SAMD3: variants seen among roughly 807,000 people sequenced by gnomAD.
SAMD3 encodes sterile alpha motif domain containing 3, also known as sterile alpha motif domain-containing protein 3.
SAMD3 carries 63 observed loss-of-function variants against 58.5 expected under a neutral mutation model. The ratio of observed to expected loss-of-function variants is 1.08; its 90% CI spans 0.88 to 1.33. The LOEUF is 1.33. Among genes scored for constraint, SAMD3 ranks in the 40% most tolerant of loss-of-function variants. The probability of loss-of-function intolerance (pLI) is 0.00; values close to 1 mark genes in which losing one functional copy is unlikely to be tolerated. For synonymous variants in SAMD3, 220 were observed against 210.3 expected (o/e 1.05, Z -0.40); for missense variants, 604 against 608.4 (o/e 0.99, Z 0.08).
intron 2 of SAMD3, among the ~76,000 whole-genome samples, chr6:130,283,283 A>T (rs7765872): frequency 0.32 from 48,378 of 152,022 alleles, 7,926 homozygotes; most frequent in East Asian, 0.47. Context: ...AGCCACAGTC[A>T]GGTAGGAGTT....
chr6:130,201,436 G>T (rs1191785878), intron 5 of SAMD3, among the ~76,000 whole-genome samples: 1 of 152,170 alleles, frequency 6.6e-6, no homozygotes, highest in Non-Finnish European at 1.5e-5. Context: ...AAGAATTGCA[G>T]AATCCCAGGC....
intron 1 of SAMD3, among the ~76,000 whole-genome samples, chr6:130,337,601 G>A (rs1777141126): frequency 6.6e-6 from 1 of 152,166 alleles, no homozygotes; most frequent in African/African-American, 2.4e-5. Flanking sequence ...GGAATATGTG[G>A]GGAAGTTTGG....
intron 5 of SAMD3, among the ~76,000 whole-genome samples, chr6:130,200,269 CTCAT>C (rs1409057260): frequency 2.6e-5 from 4 of 151,388 alleles, no homozygotes; most frequent in African/African-American, 7.3e-5. Context: ...TTTTTTCTTC[CTCAT>C]TCATGCGCCT....
At chr6:130,286,915 G>A (rs1046752736) in intron 2 of SAMD3, among the ~76,000 whole-genome samples, 4 of 152,114 alleles carry the variant, frequency 2.6e-5, no homozygotes, top group Non-Finnish European at 5.9e-5. Flanking sequence ...TCACCATGCT[G>A]CCCAGACTGG....
intron 7 of SAMD3, among the ~76,000 whole-genome samples, chr6:130,178,382 GA>G (rs578242227): frequency 2.7e-3 from 379 of 141,794 alleles, no homozygotes; most frequent in African/African-American, 5.8e-3. Context: ...GCGGGGAAGG[GA>G]AAAAAAAAAA....
At chr6:130,364,618 G>T (rs528537063) in intron 1 of SAMD3, among the ~76,000 whole-genome samples, 15 of 151,994 alleles carry the variant, frequency 9.9e-5, no homozygotes, top group African/African-American at 3.6e-4. Flanking sequence ...AATACTAGAT[G>T]CAGGTGGGGT....
At chr6:130,231,963 G>C (rs1373062233) in intron 2 of SAMD3, among the ~76,000 whole-genome samples, 1 of 152,118 alleles carries the variant, frequency 6.6e-6, no homozygotes, top group Non-Finnish European at 1.5e-5. Flanking sequence ...CATGGTTACT[G>C]AGCATTTGAA....
chr6:130,145,335 C>T lies in SAMD3; in HGVS notation c.1278+5G>A, dbSNP rs1399610541. The T allele has an allele frequency of 1.3e-6, 2 of 1,574,424 alleles. No homozygotes were observed. The highest frequency in any genetic ancestry group is 1.7e-5 in the Admixed American group (1 of 59,910). ...CAAACTAGTGGCCATTCACATACTA[C>T]ATACCTGTTCATTCATGATGACAAA... On this transcript the variant is annotated splice_donor_5th_base_variant and intron_variant, in intron 11 of 11. Coordinates refer to ENST00000439090, the MANE Select transcript of SAMD3 (RefSeq NM_001017373.4).
upstream of SAMD3, among the ~76,000 whole-genome samples, chr6:130,224,932 T>C (rs1001017191): frequency 3.3e-5 from 5 of 152,074 alleles, no homozygotes; most frequent in African/African-American, 7.2e-5. Flanking sequence ...GCACTCTTTT[T>C]AGAGTTGGCC....
intron 2 of SAMD3, among the ~76,000 whole-genome samples, chr6:130,259,702 T>A (rs945933299): frequency 6.6e-6 from 1 of 152,172 alleles, no homozygotes; most frequent in African/African-American, 2.4e-5. Flanking sequence ...GTATTTTTTT[T>A]AACAAAACTT....
chr6:130,212,492 A>G (rs1360388154), intron 4 of SAMD3, among the ~76,000 whole-genome samples: 3 of 152,252 alleles, frequency 2.0e-5, no homozygotes, highest in African/African-American at 7.2e-5. Context: ...GGACTATTTC[A>G]GTCTAGGAGA....
chr6:130,329,392 AG>A lies in SAMD3; in HGVS notation c.-303-16300del, dbSNP rs555955517. Among the ~76,000 whole-genome samples, 603 of 152,298 alleles carry A rather than the reference AG, an allele frequency of 4.0e-3. 5 individuals are homozygous for A. The highest frequency in any genetic ancestry group is 0.013 in the African/African-American group (539 of 41,574). ...CTTTACAATCCATTTTCACATAAAA[AG>A]CACCCAAAATGAGGTCCTGGATGGC... is the stretch of plus-strand genomic sequence containing the variant. On this transcript the variant is annotated intron_variant, in intron 1 of 13. Transcript: ENST00000368134.
chr6:130,167,693 C>T (rs4323332), intron 8 of SAMD3, among the ~76,000 whole-genome samples: 7,279 of 152,270 alleles, frequency 0.048, 210 homozygotes, highest in Non-Finnish European at 0.06. Context: ...TGGGGCTATA[C>T]GCTCTCTGGA....
rs560722713 is a variant in SAMD3, at chr6:130,209,515, G to A, written c.363C>T (p.Asp121=). ...CCCACCTCTGTTTCAATACTCTTTG[G>A]TCAATTAGTCCATTATCAAGGTTTT... ...PAENLDNGLI[D]QRVLKQRRNV... The change falls in exon 5 of 12, where the codon GAC becomes GAT. Residue 121 remains aspartate (D), a synonymous_variant. Transcript: ENST00000439090. 7 of 1,609,394 alleles carry A rather than the reference G, an allele frequency of 4.3e-6. No individual in the cohort carries two copies. Among genetic ancestry groups the A allele is most frequent in the South Asian group, 3.3e-5 (3 of 90,988 alleles).
intron 2 of SAMD3, among the ~76,000 whole-genome samples, chr6:130,292,263 CTTTCTTTCTTTT>C (rs1363657105): frequency 7.9e-6 from 1 of 125,824 alleles, no homozygotes; most frequent in Non-Finnish European, 1.7e-5. Context: ...CTTTTTTTTT[CTTTCTTTCTTTT>C]TTTTTTTTTT....
At chr6:130,230,699 T>C (rs1796520815) in intron 2 of SAMD3, among the ~76,000 whole-genome samples, 1 of 152,228 alleles carries the variant, frequency 6.6e-6, no homozygotes, top group South Asian at 2.1e-4. Flanking sequence ...CTTCGCCTCT[T>C]CTATGCACAA....
intron 2 of SAMD3, chr6:130,286,135 A>T (rs1562499436): frequency 6.6e-6 from 1 of 152,244 alleles, no homozygotes; most frequent in East Asian, 1.9e-4. Context: ...TAGTGATAAG[A>T]TTGAAACTAA....
chr6:130,235,499 G>T (rs1773116351), intron 2 of SAMD3, among the ~76,000 whole-genome samples: 1 of 151,998 alleles, frequency 6.6e-6, no homozygotes, highest in Non-Finnish European at 1.5e-5. Flanking sequence ...TAAGTATAAG[G>T]TCACTGTTAT....
At position 130,184,175 on chromosome 6, in the gene SAMD3, G is replaced by T; in HGVS notation, c.582C>A (p.Thr194=). 1 of 1,609,480 alleles carries T rather than the reference G, an allele frequency of 6.2e-7. No individual in the cohort carries two copies. The highest frequency in any genetic ancestry group is 1.3e-5 in the African/African-American group (1 of 74,900). Reference sequence around the variant, plus strand: ...CATTAACCACGTCATTGTACTGCTGGGTGCTGGGGTACCTGTTCACCAAAA... The same window carrying T: ...CATTAACCACGTCATTGTACTGCTGTGTGCTGGGGTACCTGTTCACCAAAA... The part of the protein sequence containing the change: ...KYLEGSLYPS[T]QQYNDVVNAL... Residue 194 remains threonine, a synonymous_variant, in exon 7 of 12, where the codon ACC becomes ACA. Coordinates refer to ENST00000439090, the MANE Select transcript of SAMD3 (RefSeq NM_001017373.4).
Sources: allele counts gnomAD v4.1 joint callset (sites outside exome capture counted in the v4.1 genomes callset), GRCh38; gene constraint gnomAD v4.1.1; transcripts MANE v1.5; gene names NCBI Gene and HGNC (gene_info 2026-07-23, HGNC 2026-07-21).